The following CRTC3 variants were observed in gnomAD, a reference collection of about 807,000 sequenced individuals.
The protein encoded by CRTC3 is CREB-regulated transcription coactivator 3.
In CRTC3, 26 loss-of-function variants were observed where a neutral mutation model predicts 74.5. The ratio of observed to expected loss-of-function variants is 0.35; its 90% CI spans 0.26 to 0.48. CRTC3 has a LOEUF of 0.48. CRTC3 is among the 20% of genes least tolerant of loss of function. The pLI is 0.99. For synonymous variants in CRTC3, 377 were observed against 325.8 expected, an observed-to-expected ratio of 1.16 and a Z score of -1.69; for missense variants, 760 against 787.3, an observed-to-expected ratio of 0.97 and a Z score of 0.41.
chr15:90,592,971 G>A (rs185564731), intron 2 of CRTC3, among the ~76,000 whole-genome samples: 23 of 152,310 alleles, frequency 1.5e-4, no homozygotes, highest in Admixed American at 5.2e-4. Flanking sequence ...TGGCCAACAT[G>A]GTGCAACCCC....
At position 90,540,083 on chromosome 15, in the gene CRTC3, T is replaced by A. The variant is rs151211329; in HGVS notation, c.177T>A (p.His59Gln). 1 of 1,613,514 alleles carries A rather than the reference T, an allele frequency of 6.2e-7. No homozygotes were observed. Among genetic ancestry groups the A allele is most frequent in the Non-Finnish European group, 8.5e-7 (1 of 1,179,920 alleles). The change falls in exon 2 of 15, where the codon CAT (histidine) becomes CAA (glutamine). Residue 59 changes from histidine (H) to glutamine (Q), a missense_variant. His to Gln is a conservative substitution (Grantham distance 24). Transcript: ENST00000268184. The stretch of plus-strand genomic sequence containing the variant: ...AGCAACTGCGCCTTACACAGTACCA[T>A]GGAGGATCCTTACCAAATGTGAGCC... ...KLQQLRLTQY[H>Q]GGSLPNVSQL...
At chr15:90,593,940 G>A (rs138076098) in intron 3 of CRTC3, 185 bp downstream of exon 3, 143 of 524,432 alleles carry the variant, frequency 2.7e-4, no homozygotes, top group African/African-American at 2.6e-3. Context: ...AAACATCATT[G>A]TAGGTGTTTA....
In CRTC3 at chr15:90,638,145, T is replaced by TATAACAAAAC. The variant is rs1555454442; in HGVS notation, c.1267-300_1267-299insTAACAAAACA. 3.4e-5 allele frequency: 12 copies of TATAACAAAAC among 356,844 alleles called. No individual in the cohort carries two copies. The East Asian group carries it at 6.3e-4, about 19-fold the overall frequency. 22.1% of individuals were successfully genotyped at this position (356,844 alleles called of 1,614,324 possible). A position where few individuals can be genotyped will look rare whatever the true frequency, so the allele number is the denominator to read the frequency against. ...CACTTTTAACCAGAAGACACGGCTA[T>TATAACAAAAC]AAAACAAAACAAAACATGATTTTCA... is the stretch of plus-strand genomic sequence containing the variant. On this transcript the variant is annotated intron_variant, in intron 11 of 14. Coordinates refer to ENST00000268184, the MANE Select transcript of CRTC3 (RefSeq NM_022769.5).
At chr15:90,575,384 C>T (rs1313019003) in intron 2 of CRTC3, among the ~76,000 whole-genome samples, 2 of 152,124 alleles carry the variant, frequency 1.3e-5, no homozygotes, top group African/African-American at 2.4e-5. Context: ...TTTTTGGTTG[C>T]TCCCAGGTTT....
intron 13 of CRTC3, among the ~76,000 whole-genome samples, chr15:90,639,736 C>T (rs1969372066): frequency 6.7e-6 from 1 of 149,408 alleles, no homozygotes; most frequent in South Asian, 2.1e-4. Context: ...AGGTGCGAGC[C>T]ACTGTGCCCA....
chr15:90,628,682 C>T (rs149776216), intron 10 of CRTC3, among the ~76,000 whole-genome samples: 315 of 152,278 alleles, frequency 2.1e-3, no homozygotes, highest in African/African-American at 7.4e-3. Context: ...TCCTGGGAAC[C>T]AGAAAATCAA....
At chr15:90,617,391 G>A (rs1968521389) in intron 7 of CRTC3, among the ~76,000 whole-genome samples, 1 of 152,230 alleles carries the variant, frequency 6.6e-6, no homozygotes. Context: ...AGTGCCCAAA[G>A]TGGCTTCCCT....
chr15:90,623,079 C>G (rs896513400), intron 9 of CRTC3, among the ~76,000 whole-genome samples: 2 of 152,150 alleles, frequency 1.3e-5, no homozygotes, highest in African/African-American at 4.8e-5. Context: ...CCACCCTTCT[C>G]TGGTCCTAGG....
chr15:90,592,560 A>G (rs1002498610), intron 2 of CRTC3, among the ~76,000 whole-genome samples: 2 of 152,208 alleles, frequency 1.3e-5, no homozygotes, highest in African/African-American at 4.8e-5. Context: ...AACGTACCCC[A>G]AGCATCTCTT....
intron 2 of CRTC3, among the ~76,000 whole-genome samples, chr15:90,589,295 T>G (rs1213198745): frequency 5.3e-5 from 8 of 152,056 alleles, no homozygotes; most frequent in African/African-American, 1.9e-4. Flanking sequence ...GACCTCATGA[T>G]CCACCTGCGT....
At chr15:90,547,739 CT>C (rs1966846797) in intron 2 of CRTC3, among the ~76,000 whole-genome samples, 1 of 152,086 alleles carries the variant, frequency 6.6e-6, no homozygotes, top group African/African-American at 2.4e-5. Context: ...AGGGCTGTCT[CT>C]TCTGCTTAGT....
chr15:90,562,912 G>T (rs755665310), intron 2 of CRTC3, among the ~76,000 whole-genome samples: 16 of 152,142 alleles, frequency 1.1e-4, no homozygotes, highest in Non-Finnish European at 2.4e-4. Context: ...AGCAGACCAG[G>T]CCACACAGGC....
chr15:90,584,521 G>A (rs923037974), intron 2 of CRTC3, among the ~76,000 whole-genome samples: 1 of 152,218 alleles, frequency 6.6e-6, no homozygotes, highest in African/African-American at 2.4e-5. Context: ...ATAGGCATGA[G>A]CCACCGTGCC....
intron 7 of CRTC3, among the ~76,000 whole-genome samples, chr15:90,616,840 C>T (rs888845049): frequency 1.3e-5 from 2 of 152,260 alleles, no homozygotes; most frequent in African/African-American, 4.8e-5. Flanking sequence ...GTCCCGGCAG[C>T]TGCCCAGCCT....
chr15:90,542,059 C>T (rs1425379615), intron 2 of CRTC3, among the ~76,000 whole-genome samples: 1 of 152,014 alleles, frequency 6.6e-6, no homozygotes, highest in Non-Finnish European at 1.5e-5. Flanking sequence ...GCTGGGATTA[C>T]AGGCATGAGC....
intron 2 of CRTC3, among the ~76,000 whole-genome samples, chr15:90,567,058 T>C (rs2151068135): frequency 6.6e-6 from 1 of 152,214 alleles, no homozygotes; most frequent in East Asian, 1.9e-4. Context: ...GCAGATGCCA[T>C]CTAGGACTTT....
chr15:90,573,266 G>A (rs1234619728), intron 2 of CRTC3, among the ~76,000 whole-genome samples: 1 of 152,160 alleles, frequency 6.6e-6, no homozygotes, highest in Non-Finnish European at 1.5e-5. Context: ...CCAGGAGGTG[G>A]ACATCATTGT....
At chr15:90,607,196 G>A (rs1235820072) in intron 5 of CRTC3, among the ~76,000 whole-genome samples, 182 bp from the exon 6 acceptor site, 1 of 152,206 alleles carries the variant, frequency 6.6e-6, no homozygotes, top group Non-Finnish European at 1.5e-5. Flanking sequence ...TGGAGTGTGG[G>A]CGATCCTCAG....
chr15:90,557,093 G>T (rs1488607647), intron 2 of CRTC3, among the ~76,000 whole-genome samples: 1 of 151,460 alleles, frequency 6.6e-6, no homozygotes, highest in African/African-American at 2.4e-5. Flanking sequence ...AATTTTAAAA[G>T]TTCTCTTTGG....
Sources: gnomAD v4.1 joint callset for allele counts (sites outside exome capture counted in the v4.1 genomes callset) on GRCh38, gnomAD v4.1.1 for gene constraint, MANE v1.5 for transcripts, NCBI Gene and HGNC (gene_info 2026-07-23, HGNC 2026-07-21) for gene names.